The following IPO7 variants were observed in gnomAD, a reference collection of about 807,000 sequenced individuals.
IPO7 encodes importin 7, also known as importin-7.
IPO7 carries 13 observed loss-of-function variants against 136.4 expected under a neutral mutation model. The observed-to-expected ratio is 0.10, with a 90% CI of 0.06 to 0.15. IPO7 has a LOEUF of 0.15. Among genes scored for constraint, IPO7 ranks in the 10% least tolerant of loss-of-function variants. The pLI, the probability that IPO7 is intolerant of heterozygous loss-of-function variation, is 1.00. For missense variants in IPO7, 857 were observed against 1,240.6 expected (o/e 0.69, Z 4.65); for synonymous variants, 403 against 404.4 (o/e 1.00, Z 0.04).
Position 9,429,663 on chromosome 11 carries a change from TTCTC to T in IPO7, c.1592-9_1592-6del, listed in dbSNP as rs777802358. The T allele has an allele frequency of 3.1e-6, 5 of 1,595,748 alleles. No homozygotes were observed. Among genetic ancestry groups the T allele is most frequent in the East Asian group, 4.5e-5 (2 of 44,438 alleles). On this transcript the variant is annotated splice_region_variant and splice_polypyrimidine_tract_variant and intron_variant, in intron 14 of 24. Transcript: ENST00000379719. ...GGGTTTTACGCAAGTTTTTTACTCT[TTCTC>T]TTACAGCTAAAGAATATATCACACC...
chr11:9,428,730 G>T, intron 13 of IPO7, 101 bp downstream of exon 13: 1 of 815,604 alleles, frequency 1.2e-6, no homozygotes, highest in East Asian at 2.4e-5. Context: ...TGAAGCCTGT[G>T]TCTTATTTTA....
Position 9,423,879 on chromosome 11 carries a change from A to C in IPO7, c.1141+3A>C. Reference sequence around the variant, plus strand: ...CGAATATATACGCATGAAGTTTGGTAAGGAATTTTCACGTTTTTAGAAACA... The same window carrying C: ...CGAATATATACGCATGAAGTTTGGTCAGGAATTTTCACGTTTTTAGAAACA... On this transcript the variant is annotated splice_donor_region_variant and intron_variant, in intron 10 of 24. Transcript: ENST00000379719. 6.3e-7 allele frequency: 1 copy of C among 1,577,858 alleles called. No individual in the cohort carries two copies. Among genetic ancestry groups the C allele is most frequent in the Non-Finnish European group, 8.7e-7 (1 of 1,151,050 alleles).
At chr11:9,392,171 C>CTTTTTTTTTTTTTTTT in intron 1 of IPO7, 1 of 183,700 alleles carries the variant, frequency 5.4e-6, no homozygotes, top group Non-Finnish European at 9.8e-6. Context: ...TTGTCAAATT[C>CTTTTTTTTTTTTTTTT]TTTTTTTTTT....
intron 2 of IPO7, among the ~76,000 whole-genome samples, chr11:9,404,294 T>G (rs1369793001): frequency 1.3e-5 from 2 of 151,630 alleles, no homozygotes; most frequent in Non-Finnish European, 2.9e-5. Flanking sequence ...TGAAACCCCG[T>G]CTCTACTAAA....
chr11:9,408,268 A>C (rs939738206), intron 2 of IPO7, among the ~76,000 whole-genome samples: 1 of 152,174 alleles, frequency 6.6e-6, no homozygotes, highest in African/African-American at 2.4e-5. Context: ...GAGTTTTCTT[A>C]TGCTGTGTGA....
intron 24 of IPO7, among the ~76,000 whole-genome samples, 173 bp downstream of exon 24, chr11:9,442,370 A>C (rs1855470735): frequency 6.6e-6 from 1 of 152,106 alleles, no homozygotes; most frequent in Non-Finnish European, 1.5e-5. Flanking sequence ...AAGATAACTT[A>C]ATTTTGGCTT....
chr11:9,442,261 G>A (rs983393429), intron 24 of IPO7, 64 bp downstream of exon 24: 69 of 676,686 alleles, frequency 1.0e-4, no homozygotes, highest in African/African-American at 8.5e-4. Context: ...ATTTTATATC[G>A]TTTAATTTTA....
intron 24 of IPO7, among the ~76,000 whole-genome samples, chr11:9,442,649 A>G (rs1855474688): frequency 6.6e-6 from 1 of 152,032 alleles, no homozygotes; most frequent in African/African-American, 2.4e-5. Flanking sequence ...TCCTGACCTC[A>G]TGACCCGCCC....
Position 9,429,035 on chromosome 11 carries a change from G to A in IPO7, c.1430G>A (p.Cys477Tyr). Residue 477 changes from cysteine to tyrosine, a missense_variant, in exon 14 of 25, where the codon TGC becomes TAC. This residue lies in a region of IPO7 where 127 missense variants were observed against 222.4 expected (regional missense o/e 0.57). Transcript: ENST00000379719. ...SELGYMRARA[C>Y]WVLHYFCEVK... ...CTCACTGTGTTTTTACAAAAGGCTT[G>A]CTGGGTACTTCACTATTTTTGTGAA... The A allele has an allele frequency of 6.2e-7, 1 of 1,613,424 alleles. No individual in the cohort carries two copies. Among genetic ancestry groups the A allele is most frequent in the Non-Finnish European group, 8.5e-7 (1 of 1,179,518 alleles).
rs1855524268 is a variant in IPO7 at position 9,446,134 on chromosome 11, A to G, written c.*940A>G. 1 of 152,336 alleles carries G rather than the reference A, an allele frequency of 6.6e-6. No homozygotes were observed. Among genetic ancestry groups the G allele is most frequent in the Admixed American group, 6.5e-5 (1 of 15,292 alleles). The allele number at this position is 152,336 out of a possible 1,614,324, so 9.4% of individuals were successfully genotyped here. A position where few individuals can be genotyped will look rare whatever the true frequency, so the allele number is the denominator to read the frequency against. Reference sequence around the variant, plus strand: ...AAAAAGGTGGTATCTAGAGCATGTAAATTGGATATAAAGTTCTGCTCTTAA... The same window carrying G: ...AAAAAGGTGGTATCTAGAGCATGTAGATTGGATATAAAGTTCTGCTCTTAA... On this transcript the variant is annotated 3_prime_UTR_variant, in exon 25 of 25. Coordinates refer to ENST00000379719, the MANE Select transcript of IPO7 (RefSeq NM_006391.3).
intron 20 of IPO7, 81 bp from the exon 21 acceptor site, chr11:9,437,673 G>A: frequency 9.9e-7 from 1 of 1,006,020 alleles, no homozygotes; most frequent in Non-Finnish European, 1.5e-6. Context: ...GTTAATTGAG[G>A]CAACAAAGAA....
At chr11:9,434,805 C>T in intron 18 of IPO7, 129 bp from the exon 19 acceptor site, 3 of 688,350 alleles carry the variant, frequency 4.4e-6, no homozygotes, top group South Asian at 1.5e-5. Context: ...CCCCCCTCCC[C>T]CCAAAAAAAG....
Position 9,420,339 on chromosome 11 carries a change from A to G in IPO7, c.727-72A>G, listed in dbSNP as rs944278094. The G allele has an allele frequency of 1.5e-5, 15 of 979,022 alleles. No individual in the cohort carries two copies. The African/African-American group carries it at 2.2e-4, about 14-fold the overall frequency. The allele number at this position is 979,022 out of a possible 1,614,324, so 60.6% of individuals were successfully genotyped here. On this transcript the variant is annotated intron_variant, in intron 6 of 24. Coordinates refer to ENST00000379719, the MANE Select transcript of IPO7 (RefSeq NM_006391.3). ...TTAGTGAAGCATTCACATTTTTGTC[A>G]ATCTATTCTCATCTCATGCTGTTCC...
At chr11:9,426,381 T>A (rs1050666521) in intron 12 of IPO7, among the ~76,000 whole-genome samples, 2 of 152,214 alleles carry the variant, frequency 1.3e-5, no homozygotes, top group African/African-American at 4.8e-5. Context: ...CAAATTATAT[T>A]TCATTATATT....
chr11:9,421,320 A>G (rs1048270872), intron 8 of IPO7, among the ~76,000 whole-genome samples: 1 of 150,124 alleles, frequency 6.7e-6, no homozygotes, highest in African/African-American at 2.5e-5. Flanking sequence ...ATTGTCAGCA[A>G]TTTTCCTTGA....
intron 24 of IPO7, among the ~76,000 whole-genome samples, chr11:9,443,832 G>T (rs557935448): frequency 2.6e-5 from 4 of 151,548 alleles, no homozygotes; most frequent in African/African-American, 9.7e-5. Flanking sequence ...TGTGGGAGGT[G>T]TAGGTTATAG....
intron 5 of IPO7, among the ~76,000 whole-genome samples, chr11:9,415,864 G>A (rs551875670): frequency 6.6e-6 from 1 of 152,088 alleles, no homozygotes; most frequent in East Asian, 1.9e-4. Flanking sequence ...AGAAAAAAAA[G>A]AAATGGTTGG....
At chr11:9,392,171 CTT>C (rs59866244) in intron 1 of IPO7, 2,172 of 182,904 alleles carry the variant, frequency 0.012, no homozygotes, top group Middle Eastern at 0.025. Flanking sequence ...TTGTCAAATT[CTT>C]TTTTTTTTTT....
intron 9 of IPO7, 78 bp downstream of exon 9, chr11:9,423,218 G>A (rs1365353821): frequency 1.0e-6 from 1 of 977,864 alleles, no homozygotes. Context: ...TTGAAAAATT[G>A]CATGTTTGTT....
Sources: gnomAD v4.1 joint callset for allele counts (sites outside exome capture counted in the v4.1 genomes callset) on GRCh38, gnomAD v4.1.1 for gene constraint, gnomAD v4.1.1 regional missense constraint, MANE v1.5 for transcripts, NCBI Gene and HGNC (gene_info 2026-07-23, HGNC 2026-07-21) for gene names.